Variants in MAN1C1 observed in about 807,000 individuals in gnomAD.
MAN1C1 encodes mannosidase alpha class 1C member 1, also known as mannosyl-oligosaccharide 1,2-alpha-mannosidase IC.
MAN1C1 carries 49 observed loss-of-function variants against 71.5 expected under a neutral mutation model. The ratio of observed to expected loss-of-function variants is 0.69; its 90% CI spans 0.54 to 0.87. The LOEUF is 0.87. Ranked by LOEUF, MAN1C1 falls within the 40% of genes least tolerant of loss-of-function variation. MAN1C1 has a pLI of 0.00. For synonymous variants in MAN1C1, 352 were observed against 343.7 expected (o/e 1.02, Z -0.27); for missense variants, 743 against 835.0 (o/e 0.89, Z 1.36).
chr1:25,654,522 C>T (rs1183032833), intron 1 of MAN1C1, among the ~76,000 whole-genome samples: 2 of 152,232 alleles, frequency 1.3e-5, no homozygotes, highest in African/African-American at 4.8e-5. Flanking sequence ...TTTCTCTTCT[C>T]CAAATAACTG....
At chr1:25,618,589 C>T (rs1245992473) in intron 1 of MAN1C1, among the ~76,000 whole-genome samples, 5 of 152,068 alleles carry the variant, frequency 3.3e-5, no homozygotes, top group African/African-American at 4.8e-5. Flanking sequence ...ACCCCTAGAC[C>T]AACTGCCCCC....
intron 8 of MAN1C1, among the ~76,000 whole-genome samples, chr1:25,772,623 T>C (rs2047569304): frequency 1.3e-5 from 2 of 152,296 alleles, no homozygotes; most frequent in Admixed American, 6.5e-5. Context: ...CTCCTTATTT[T>C]CTCTAAACTG....
chr1:25,660,396 CTTTT>C (rs1178878513), intron 1 of MAN1C1, among the ~76,000 whole-genome samples: 5 of 97,598 alleles, frequency 5.1e-5, no homozygotes, highest in African/African-American at 9.7e-5. Flanking sequence ...AGTGAAATTC[CTTTT>C]TTTTTTTTTT....
chr1:25,712,209 G>A (rs942796738), intron 2 of MAN1C1, among the ~76,000 whole-genome samples: 3 of 152,240 alleles, frequency 2.0e-5, no homozygotes, highest in Non-Finnish European at 2.9e-5. Flanking sequence ...ATGCTCGGCC[G>A]GCGTCTTGGC....
chr1:25,720,735 A>C (rs987481738), intron 2 of MAN1C1, among the ~76,000 whole-genome samples: 6 of 152,332 alleles, frequency 3.9e-5, no homozygotes, highest in Non-Finnish European at 7.3e-5. Flanking sequence ...GACGTCTAAG[A>C]ATCCATTGCC....
At chr1:25,714,091 T>G (rs2046648818) in intron 2 of MAN1C1, among the ~76,000 whole-genome samples, 1 of 152,036 alleles carries the variant, frequency 6.6e-6, no homozygotes, top group African/African-American at 2.4e-5. Flanking sequence ...CTTAATAGAG[T>G]TCTTCAGAGT....
chr1:25,640,654 C>T (rs543832616), intron 1 of MAN1C1, among the ~76,000 whole-genome samples: 3 of 152,176 alleles, frequency 2.0e-5, no homozygotes, highest in Admixed American at 1.3e-4. Context: ...GAGAAAGGTT[C>T]ATGTTTTGGC....
At position 25,755,749 on chromosome 1, in the gene MAN1C1, T is replaced by G. The variant is rs1422990265; in HGVS notation, c.929+2171T>G. 3.9e-5 allele frequency among the ~76,000 whole-genome samples: 6 copies of G among 152,106 alleles called. No homozygotes were observed. In the East Asian group the frequency reaches 1.2e-3, roughly 29 times the overall value. ...TCCAAAGTTGATGATTACACCATACTCATGAGTGTACCTGCCTAGAAGCTA... is the reference window on the plus strand; with the variant it reads ...TCCAAAGTTGATGATTACACCATACGCATGAGTGTACCTGCCTAGAAGCTA... On this transcript the variant is annotated intron_variant, in intron 5 of 11. Transcript: ENST00000374332.
At chr1:25,734,626 C>T (rs2046956005) in intron 2 of MAN1C1, among the ~76,000 whole-genome samples, 3 of 152,248 alleles carry the variant, frequency 2.0e-5, no homozygotes, top group South Asian at 4.1e-4. Context: ...CCCAGCACCT[C>T]ACACCACAGA....
At chr1:25,658,201 T>C (rs1396014644) in intron 1 of MAN1C1, among the ~76,000 whole-genome samples, 1 of 152,246 alleles carries the variant, frequency 6.6e-6, no homozygotes, top group African/African-American at 2.4e-5. Context: ...ACTGTTCACC[T>C]TCACAGTGGT....
intron 7 of MAN1C1, among the ~76,000 whole-genome samples, chr1:25,767,335 C>T (rs1268337136): frequency 7.6e-6 from 1 of 131,692 alleles, no homozygotes; most frequent in Non-Finnish European, 1.6e-5. Context: ...ACACTCCCCC[C>T]ACACACAGAC....
intron 1 of MAN1C1, among the ~76,000 whole-genome samples, chr1:25,624,831 A>G (rs1465825041): frequency 6.6e-6 from 1 of 152,112 alleles, no homozygotes; most frequent in African/African-American, 2.4e-5. Context: ...CATAAAATCC[A>G]CTGTGCAATG....
Position 25,769,119 on chromosome 1 carries a change from C to T in MAN1C1, c.1142-2538C>T, listed in dbSNP as rs1388884437. On this transcript the variant is annotated intron_variant, in intron 7 of 11. Coordinates refer to ENST00000374332, the MANE Select transcript of MAN1C1 (RefSeq NM_020379.4). The surrounding 1 kb of genome is among the most constrained non-coding windows in gnomAD (Gnocchi z 4.8). ...CACACTCCCTCCCACACACACACCA[C>T]ACACTCCCTTCACACACTACACACT... Among the ~76,000 whole-genome samples the T allele has an allele frequency of 6.8e-6, 1 of 147,416 alleles. No homozygotes were observed. The highest frequency in any genetic ancestry group is 1.5e-5 in the Non-Finnish European group (1 of 66,542).
At chr1:25,745,232 T>G (rs1225780909) in intron 2 of MAN1C1, among the ~76,000 whole-genome samples, 1 of 152,164 alleles carries the variant, frequency 6.6e-6, no homozygotes, top group Non-Finnish European at 1.5e-5. Flanking sequence ...TGATGCCCAG[T>G]GGTAGGGGCC....
At chr1:25,731,568 T>C (rs2046910238) in intron 2 of MAN1C1, among the ~76,000 whole-genome samples, 1 of 152,220 alleles carries the variant, frequency 6.6e-6, no homozygotes, top group South Asian at 2.1e-4. Context: ...TATGATTTTA[T>C]TCTAAGTCTA....
At chr1:25,670,312 A>G (rs1197720252) in intron 1 of MAN1C1, among the ~76,000 whole-genome samples, 1 of 152,254 alleles carries the variant, frequency 6.6e-6, no homozygotes, top group Non-Finnish European at 1.5e-5. Flanking sequence ...TGTGCCTTGC[A>G]GGATCTCTCT....
intron 1 of MAN1C1, among the ~76,000 whole-genome samples, chr1:25,632,850 C>A (rs2045402757): frequency 1.3e-5 from 2 of 149,116 alleles, no homozygotes; most frequent in Non-Finnish European, 3.0e-5. Flanking sequence ...TGAGAAGATA[C>A]TTGATACAAT....
rs148035370 is a variant in MAN1C1 at position 25,769,488 on chromosome 1, G to A, written c.1142-2169G>A. ...AGAGGCAGCTGCATCTCAACACCGC[G>A]GACCCTAATGACCTGGCTCCCTCCC... On this transcript the variant is annotated intron_variant, in intron 7 of 11. Transcript: ENST00000374332. The surrounding 1 kb of genome is among the most constrained non-coding windows in gnomAD (Gnocchi z 4.8). 3.3e-4 allele frequency among the ~76,000 whole-genome samples: 50 copies of A among 152,184 alleles called. No homozygotes were observed. Among genetic ancestry groups the A allele is most frequent in the Non-Finnish European group, 5.6e-4 (38 of 67,996 alleles).
chr1:25,617,034 C>G lies in MAN1C1; in HGVS notation c.-764C>G, dbSNP rs1029387291. ...AGTTCGAGGGGCGGGAGCCCGCGCTCCCGGGCGCATCTGCAGCCGCCCAGC... is the reference window on the plus strand; with the variant it reads ...AGTTCGAGGGGCGGGAGCCCGCGCTGCCGGGCGCATCTGCAGCCGCCCAGC... On this transcript the variant is annotated 5_prime_UTR_variant, in exon 1 of 12. Coordinates refer to ENST00000374332, the MANE Select transcript of MAN1C1 (RefSeq NM_020379.4). This position sits in a 1 kb window ranked among gnomAD's most constrained non-coding sequence, Gnocchi z 5.1. 6.6e-6 allele frequency among the ~76,000 whole-genome samples: 1 copy of G among 151,566 alleles called. No homozygotes were observed. Among genetic ancestry groups the G allele is most frequent in the Non-Finnish European group, 1.5e-5 (1 of 67,790 alleles).
Sources: allele counts gnomAD v4.1 joint callset (sites outside exome capture counted in the v4.1 genomes callset), GRCh38; gene constraint gnomAD v4.1.1; non-coding constraint Gnocchi (gnomAD v3.1); transcripts MANE v1.5; gene names NCBI Gene and HGNC (gene_info 2026-07-23, HGNC 2026-07-21).